The following TRAF5 variants were observed in gnomAD, a reference collection of about 807,000 sequenced individuals.
TRAF5 encodes TNF receptor associated factor 5.
Under a neutral mutation model 64.5 loss-of-function variants are expected in TRAF5, and 48 were observed. The ratio of observed to expected loss-of-function variants is 0.74; its 90% CI spans 0.59 to 0.95. The LOEUF is 0.95. Among genes scored for constraint, TRAF5 ranks in the 40% least tolerant of loss-of-function variants. The pLI is 0.00. For synonymous variants in TRAF5, 206 were observed against 240.5 expected, an observed-to-expected ratio of 0.86 and a Z score of 1.33; for missense variants, 545 against 662.8, an observed-to-expected ratio of 0.82 and a Z score of 1.95.
At chr1:211,354,533 C>G (rs761388178) in intron 3 of TRAF5, 66 bp downstream of exon 3, 6 of 1,526,880 alleles carry the variant, frequency 3.9e-6, no homozygotes, top group Non-Finnish European at 5.4e-6. Context: ...GTGAATTGGA[C>G]ATTGAGATAG....
intron 1 of TRAF5, among the ~76,000 whole-genome samples, chr1:211,348,176 C>T (rs1702669748): frequency 6.6e-6 from 1 of 152,198 alleles, no homozygotes; most frequent in African/African-American, 2.4e-5. Flanking sequence ...TAGGAGCAGA[C>T]ATGAGAATCC....
chr1:211,365,606 A>G lies in TRAF5; in HGVS notation c.789+138A>G. On this transcript the variant is annotated intron_variant, in intron 8 of 10. Coordinates refer to ENST00000261464, the MANE Select transcript of TRAF5 (RefSeq NM_001033910.3). The stretch of plus-strand genomic sequence containing the variant: ...TAGATGTTTTTCTATTAAGTGGCCA[A>G]ACAGGCTCATAGGATTATAGAACAT... The G allele has an allele frequency of 4.6e-6, 3 of 653,594 alleles. 1 individual carries two copies. In the South Asian group the frequency reaches 6.4e-5, roughly 14 times the overall value. The allele number at this position is 653,594 out of a possible 1,614,324, so 40.5% of individuals were successfully genotyped here.
intron 4 of TRAF5, chr1:211,359,687 C>T (rs1010439140): frequency 4.2e-6 from 2 of 471,726 alleles, no homozygotes; most frequent in Non-Finnish European, 3.8e-6. Context: ...TTCCCCCAGC[C>T]AAGACTGGCT....
chr1:211,358,811 T>TTA (rs1034708012), intron 4 of TRAF5: 2 of 11,970 alleles, frequency 1.7e-4, no homozygotes, highest in Non-Finnish European at 4.9e-4. Context: ...GTATATATAG[T>TTA]TATATATTAC....
At chr1:211,360,649 C>A in intron 5 of TRAF5, 53 bp from the exon 6 acceptor site, 3 of 1,421,836 alleles carry the variant, frequency 2.1e-6, no homozygotes, top group Non-Finnish European at 3.0e-6. Flanking sequence ...GGTGTAATCA[C>A]TGTGAGGCCA....
chr1:211,331,887 A>G (rs1702166365), intron 1 of TRAF5, among the ~76,000 whole-genome samples: 1 of 152,130 alleles, frequency 6.6e-6, no homozygotes, highest in African/African-American at 2.4e-5. Flanking sequence ...GGCTGGTCTC[A>G]AACTCCTGAC....
intron 1 of TRAF5, among the ~76,000 whole-genome samples, chr1:211,332,684 G>C (rs760314081): frequency 1.3e-5 from 2 of 152,108 alleles, no homozygotes; most frequent in African/African-American, 2.4e-5. Flanking sequence ...TTAAAACATT[G>C]GGTGGAGTTA....
In TRAF5 at chr1:211,369,501, A is replaced by C. The variant is rs1310546581; in HGVS notation, c.839A>C (p.Gln280Pro). ...GAACAGAAAGAAAGTAAAATCCAGCAGCTAGCAGAAACTATAAAGAAACTT... is the reference window on the plus strand; with the variant it reads ...GAACAGAAAGAAAGTAAAATCCAGCCGCTAGCAGAAACTATAAAGAAACTT... ...SLEQKESKIQQLAETIKKLEK... is the reference protein window; with the variant it reads ...SLEQKESKIQPLAETIKKLEK... Residue 280 changes from glutamine (Q) to proline (P), a missense_variant, in exon 9 of 11, where the codon CAG becomes CCG. Physicochemically the swap from Gln to Pro is moderately conservative, Grantham distance 76. Coordinates refer to ENST00000261464, the MANE Select transcript of TRAF5 (RefSeq NM_001033910.3). The C allele has an allele frequency of 1.9e-6, 3 of 1,611,534 alleles. No homozygotes were observed. Among genetic ancestry groups the C allele is most frequent in the Non-Finnish European group, 2.5e-6 (3 of 1,179,236 alleles).
At chr1:211,357,758 A>AGCT (rs1472245192) in intron 4 of TRAF5, 4 of 152,220 alleles carry the variant, frequency 2.6e-5, no homozygotes, top group Non-Finnish European at 1.5e-5. Context: ...GAAGGAGAAT[A>AGCT]GCTGCATTTG....
intron 1 of TRAF5, among the ~76,000 whole-genome samples, chr1:211,350,790 G>C (rs1482058117): frequency 6.6e-6 from 1 of 152,200 alleles, no homozygotes; most frequent in Non-Finnish European, 1.5e-5. Flanking sequence ...ATATCAGCGT[G>C]CCAGTGTGGT....
chr1:211,347,055 G>A (rs908382248), intron 1 of TRAF5, among the ~76,000 whole-genome samples: 1 of 152,062 alleles, frequency 6.6e-6, no homozygotes, highest in Non-Finnish European at 1.5e-5. Context: ...CTGCAGAAAG[G>A]TGATATATAA....
chr1:211,350,897 G>A (rs1702764752), intron 1 of TRAF5, among the ~76,000 whole-genome samples: 1 of 152,080 alleles, frequency 6.6e-6, no homozygotes, highest in Non-Finnish European at 1.5e-5. Context: ...CCTCTTTAGA[G>A]AGGAGGTCTC....
At chr1:211,364,052 C>T (rs546927169) in intron 7 of TRAF5, among the ~76,000 whole-genome samples, 7 of 152,164 alleles carry the variant, frequency 4.6e-5, no homozygotes, top group South Asian at 4.1e-4. Context: ...AGTTATTCTC[C>T]GGAACCTTAT....
intron 1 of TRAF5, among the ~76,000 whole-genome samples, chr1:211,350,201 C>CTT (rs376833710): frequency 7.0e-6 from 1 of 142,970 alleles, no homozygotes; most frequent in African/African-American, 2.6e-5. Flanking sequence ...AAACCCCAGG[C>CTT]TTTTTTTTTT....
At chr1:211,341,974 TTAA>T (rs1167517032) in intron 1 of TRAF5, among the ~76,000 whole-genome samples, 1 of 152,212 alleles carries the variant, frequency 6.6e-6, no homozygotes, top group Non-Finnish European at 1.5e-5. Context: ...CAAGTGCTTA[TTAA>T]TAATAGCCCT....
chr1:211,356,556 G>A (rs970246429), intron 4 of TRAF5, 88 bp downstream of exon 4: 1 of 1,171,568 alleles, frequency 8.5e-7, no homozygotes, highest in Non-Finnish European at 1.3e-6. Context: ...ACTGAGCTAA[G>A]CATGGTACAG....
chr1:211,360,064 C>A lies in TRAF5; in HGVS notation c.531C>A (p.Val177=). 1 of 1,614,044 alleles carries A rather than the reference C, an allele frequency of 6.2e-7. No homozygotes were observed. Among genetic ancestry groups the A allele is most frequent in the South Asian group, 1.1e-5 (1 of 91,040 alleles). ...TTTATTGCAAAAAGGATGTGGTAGT[C>A]ATCAATCTACAGGTGAAAAACAACA... ...KCLYCKKDVV[V]INLQNHEENL... is the part of the protein sequence containing the mutation. Residue 177 remains valine (V), a synonymous_variant, in exon 5 of 11, where the codon GTC becomes GTA. Transcript: ENST00000261464.
In TRAF5 at chr1:211,371,569, A is replaced by C. The variant is rs1032021009; in HGVS notation, c.1099+99A>C. 4 of 1,206,386 alleles carry C rather than the reference A, an allele frequency of 3.3e-6. No homozygotes were observed. The African/African-American group carries it at 6.4e-5, about 19-fold the overall frequency. The allele number at this position is 1,206,386 out of a possible 1,614,324, so 74.7% of individuals were successfully genotyped here. ...GCCAAATAGAGAGTCACATCTGTCCAGGATAAACAATGGCTGAATCTGCTA... is the reference window on the plus strand; with the variant it reads ...GCCAAATAGAGAGTCACATCTGTCCCGGATAAACAATGGCTGAATCTGCTA... On this transcript the variant is annotated intron_variant, in intron 10 of 10. Coordinates refer to ENST00000261464, the MANE Select transcript of TRAF5 (RefSeq NM_001033910.3).
Position 211,363,305 on chromosome 1 carries a change from TA to T in TRAF5, c.697-2066del, listed in dbSNP as rs960264063. Among the ~76,000 whole-genome samples the T allele has an allele frequency of 2.5e-4, 38 of 152,276 alleles. 1 individual carries two copies. Among genetic ancestry groups the T allele is most frequent in the African/African-American group, 8.9e-4 (37 of 41,574 alleles). ...GCAAAAAAACCCCACAACCCAAAGCTAAAAACAACCTGTAAGTCTATCATTA... is the reference window on the plus strand; with the variant it reads ...GCAAAAAAACCCCACAACCCAAAGCTAAAACAACCTGTAAGTCTATCATTA... On this transcript the variant is annotated intron_variant, in intron 7 of 10. Coordinates refer to ENST00000261464, the MANE Select transcript of TRAF5 (RefSeq NM_001033910.3).
Sources: gnomAD v4.1 joint callset for allele counts (sites outside exome capture counted in the v4.1 genomes callset) on GRCh38, gnomAD v4.1.1 for gene constraint, MANE v1.5 for transcripts, NCBI Gene and HGNC (gene_info 2026-07-23, HGNC 2026-07-21) for gene names.